Variants in CAP1 observed in about 807,000 individuals in gnomAD.
CAP1 encodes the protein adenylyl cyclase-associated protein 1.
CAP1 carries 11 observed loss-of-function variants against 58.2 expected under a neutral mutation model. The observed-to-expected ratio is 0.19, with a 90% CI of 0.12 to 0.31. The LOEUF is 0.31. CAP1 is among the 10% of genes least tolerant of loss of function. The probability of loss-of-function intolerance (pLI) is 1.00; values close to 1 mark genes in which losing one functional copy is unlikely to be tolerated. For missense variants in CAP1, 423 were observed against 587.5 expected, an observed-to-expected ratio of 0.72 and a Z score of 2.89; for synonymous variants, 183 against 213.8, an observed-to-expected ratio of 0.86 and a Z score of 1.26.
At chr1:40,063,638 C>G (rs140073539) in intron 4 of CAP1, among the ~76,000 whole-genome samples, 11 of 152,206 alleles carry the variant, frequency 7.2e-5, no homozygotes, top group African/African-American at 2.2e-4. Context: ...GCATTTGATT[C>G]ATCAGTTCTT....
chr1:40,067,453 T>G lies in CAP1; in HGVS notation c.631-87T>G. The G allele has an allele frequency of 2.6e-6, 3 of 1,175,302 alleles. No homozygotes were observed. The Admixed American group carries it at 7.6e-5, about 30-fold the overall frequency. 72.8% of individuals were successfully genotyped at this position (1,175,302 alleles called of 1,614,324 possible). On this transcript the variant is annotated intron_variant, in intron 7 of 12. Transcript: ENST00000372805. The stretch of plus-strand genomic sequence containing the variant: ...CTCAAAGGCTGTGGTGGGGACCCCA[T>G]GTGCACTGGCCCATGTAGGGCACTA...
intron 11 of CAP1, 146 bp downstream of exon 11, chr1:40,070,658 G>A: frequency 1.1e-6 from 1 of 910,378 alleles, no homozygotes; most frequent in Non-Finnish European, 1.7e-6. Flanking sequence ...AAGAAGGGTT[G>A]GCTCTTCAAG....
At chr1:40,052,469 T>C (rs1446731377) in intron 1 of CAP1, among the ~76,000 whole-genome samples, 1 of 152,204 alleles carries the variant, frequency 6.6e-6, no homozygotes, top group Non-Finnish European at 1.5e-5. Context: ...AGTTCTTGGT[T>C]ATTGACAATT....
chr1:40,069,500 A>G, intron 8 of CAP1, 190 bp from the exon 9 acceptor site: 1 of 608,556 alleles, frequency 1.6e-6, no homozygotes, highest in Non-Finnish European at 2.9e-6. Flanking sequence ...GTTGTTGTTA[A>G]TGGAACCATA....
At chr1:40,066,766 A>G (rs1003580012) in intron 7 of CAP1, among the ~76,000 whole-genome samples, 1 of 152,134 alleles carries the variant, frequency 6.6e-6, no homozygotes, top group South Asian at 2.1e-4. Context: ...ACTTGAAAGT[A>G]GTATAGGGCA....
Position 40,064,233 on chromosome 1 carries a change from C to T in CAP1, c.301C>T (p.Leu101Phe). 2 of 1,614,094 alleles carry T rather than the reference C, an allele frequency of 1.2e-6. No individual in the cohort carries two copies. The highest frequency in any genetic ancestry group is 1.7e-6 in the Non-Finnish European group (2 of 1,179,956). The change falls in exon 5 of 13, where the codon CTT becomes TTT. Residue 101 changes from leucine (L) to phenylalanine (F), a missense_variant. Physicochemically the swap from Leu to Phe is conservative, Grantham distance 22. Coordinates refer to ENST00000372805, the MANE Select transcript of CAP1 (RefSeq NM_006367.4). ...TTCTTGTATCTTTTCCTAGAATAAG[C>T]TTTCCGATTTGTTGGCACCCATCTC... ...SQCQQPAENKLSDLLAPISEQ... is the reference protein window; with the variant it reads ...SQCQQPAENKFSDLLAPISEQ...
intron 4 of CAP1, 45 bp downstream of exon 4, chr1:40,061,857 A>G: frequency 7.4e-7 from 1 of 1,344,604 alleles, no homozygotes; most frequent in Non-Finnish European, 1.1e-6. Context: ...GATGCTCAGG[A>G]CGAGTTGAGA....
Position 40,064,302 on chromosome 1 carries a change from G to A in CAP1, c.370G>A (p.Gly124Ser), listed in dbSNP as rs762240409. ...EVITFREKNR[G>S]SKLFNHLSAV... The stretch of plus-strand genomic sequence containing the variant: ...GATAACCTTTCGGGAGAAGAACCGA[G>A]GCAGCAAGTTGTTTAATCACCTGTC... Residue 124 changes from glycine to serine, a missense_variant, in exon 5 of 13, where the codon GGC (glycine) becomes AGC (serine). Transcript: ENST00000372805. 331 of 1,614,100 alleles carry A rather than the reference G, an allele frequency of 2.1e-4. No homozygotes were observed. The highest frequency in any genetic ancestry group is 2.7e-4 in the Non-Finnish European group (314 of 1,180,026).
chr1:40,057,186 C>A (rs186225281), intron 1 of CAP1, among the ~76,000 whole-genome samples: 1 of 152,290 alleles, frequency 6.6e-6, no homozygotes, highest in East Asian at 1.9e-4. Context: ...GTGGTCTCAA[C>A]CTGAAACATC....
chr1:40,063,739 A>C (rs1243134724), intron 4 of CAP1, among the ~76,000 whole-genome samples: 1 of 152,244 alleles, frequency 6.6e-6, no homozygotes, highest in Non-Finnish European at 1.5e-5. Flanking sequence ...AAAGTAAAAC[A>C]TATTCACATG....
chr1:40,062,773 T>TTGTGTGTGTGTG (rs1169359200), intron 4 of CAP1, among the ~76,000 whole-genome samples: 16,190 of 145,466 alleles, frequency 0.11, 999 homozygotes, highest in East Asian at 0.21. Flanking sequence ...TCAAAAAACA[T>TTGTGTGTGTGTG]TGTGTGTGTG....
chr1:40,071,121 G>A (rs1647885494), intron 12 of CAP1, 142 bp downstream of exon 12: 1 of 830,600 alleles, frequency 1.2e-6, no homozygotes, highest in Non-Finnish European at 1.9e-6. Flanking sequence ...ACAGAAATGA[G>A]GTAGTCCCAT....
rs781308548 is a variant in CAP1, at chr1:40,070,453, G to C, written c.1141G>C (p.Val381Leu). The C allele has an allele frequency of 3.1e-6, 5 of 1,614,034 alleles. No homozygotes were observed. The highest frequency in any genetic ancestry group is 1.7e-4 in the Middle Eastern group (1 of 6,060). ...TVDNCKKLGL[V>L]FDDVVGIVEI... The stretch of plus-strand genomic sequence containing the variant: ...AGATAACTGTAAGAAACTTGGCCTG[G>C]TATTCGATGACGTGGTGGGCATTGT... The change falls in exon 11 of 13, where the codon GTA (valine) becomes CTA (leucine). Residue 381 changes from valine (V) to leucine (L), a missense_variant. Transcript: ENST00000372805.
Position 40,071,618 on chromosome 1 carries a change from CCT to C in CAP1, c.*86_*87del. 1.1e-6 allele frequency: 1 copy of C among 877,770 alleles called. No homozygotes were observed. Among genetic ancestry groups the C allele is most frequent in the Non-Finnish European group, 1.8e-6 (1 of 542,952 alleles). 54.4% of individuals were successfully genotyped at this position (877,770 alleles called of 1,614,324 possible). ...ACGGTTCTTTTCTAGATTTCCTCTACCTTTTTGCTCTTAAAACTGCTTCTCTG... is the reference window on the plus strand; with the variant it reads ...ACGGTTCTTTTCTAGATTTCCTCTACTTTTGCTCTTAAAACTGCTTCTCTG... On this transcript the variant is annotated 3_prime_UTR_variant, in exon 13 of 13. Transcript: ENST00000372805.
chr1:40,058,408 T>G (rs1474109698), intron 1 of CAP1, among the ~76,000 whole-genome samples: 1 of 152,200 alleles, frequency 6.6e-6, no homozygotes, highest in Non-Finnish European at 1.5e-5. Context: ...GTGCATATGT[T>G]AAGTCTCCCC....
At chr1:40,057,119 A>G (rs1450952162) in intron 1 of CAP1, among the ~76,000 whole-genome samples, 2 of 152,206 alleles carry the variant, frequency 1.3e-5, no homozygotes, top group East Asian at 3.8e-4. Flanking sequence ...AGATTGGTAA[A>G]TGTTCACAAA....
intron 1 of CAP1, among the ~76,000 whole-genome samples, chr1:40,043,279 C>T (rs1413089275): frequency 6.6e-6 from 1 of 152,076 alleles, no homozygotes; most frequent in African/African-American, 2.4e-5. Flanking sequence ...GTCACTGAAA[C>T]CTCCACCTCC....
intron 1 of CAP1, among the ~76,000 whole-genome samples, chr1:40,049,178 A>ATTTTTTTTTTTTTTTTTTTTTTTTTTT (rs72214452): frequency 4.7e-5 from 4 of 84,878 alleles, no homozygotes; most frequent in Admixed American, 1.7e-4. Context: ...GCCATTTCTA[A>ATTTTTTTTTTTTTTTTTTTTTTTTTTT]TTTTTTTTTT....
chr1:40,062,731 C>G (rs1446090976), intron 4 of CAP1, among the ~76,000 whole-genome samples: 1 of 151,350 alleles, frequency 6.6e-6, no homozygotes, highest in Non-Finnish European at 1.5e-5. Context: ...CACCACTGCA[C>G]TCCAGCCTGG....
Sources: gnomAD v4.1 joint callset for allele counts (sites outside exome capture counted in the v4.1 genomes callset) on GRCh38, gnomAD v4.1.1 for gene constraint, MANE v1.5 for transcripts, NCBI Gene and HGNC (gene_info 2026-07-23, HGNC 2026-07-21) for gene names.